CCSER1: variants seen among roughly 807,000 people sequenced by gnomAD.
CCSER1 encodes the protein serine-rich coiled-coil domain-containing protein 1.
A neutral mutation model predicts 82.0 loss-of-function variants in CCSER1; 41 were observed. That is an observed-to-expected ratio of 0.50 (90% CI 0.39 to 0.65). The LOEUF is 0.65. CCSER1 is among the 30% of genes least tolerant of loss of function. CCSER1 has a pLI of 0.00. For missense variants in CCSER1, 1,119 were observed against 1,064.2 expected (o/e 1.05, Z -0.72); for synonymous variants, 414 against 383.9 (o/e 1.08, Z -0.92).
chr4:91,258,624 T>C (rs1299123381), intron 10 of CCSER1, among the ~76,000 whole-genome samples: 1 of 152,130 alleles, frequency 6.6e-6, no homozygotes, highest in African/African-American at 2.4e-5. Flanking sequence ...CTTAAAGATA[T>C]TGTGATTATT....
At chr4:91,246,565 T>G (rs1739792826) in intron 10 of CCSER1, among the ~76,000 whole-genome samples, 1 of 152,134 alleles carries the variant, frequency 6.6e-6, no homozygotes, top group African/African-American at 2.4e-5. Flanking sequence ...GAAATCAGTA[T>G]ATCAAACAGA....
At chr4:91,581,035 T>C (rs1183382270) in intron 10 of CCSER1, among the ~76,000 whole-genome samples, 2 of 151,658 alleles carry the variant, frequency 1.3e-5, no homozygotes, top group Admixed American at 6.6e-5. Flanking sequence ...CTACCTAAAA[T>C]TATTTTTAGC....
chr4:91,034,635 T>C (rs1472093930), intron 9 of CCSER1, among the ~76,000 whole-genome samples: 3 of 152,156 alleles, frequency 2.0e-5, no homozygotes, highest in Non-Finnish European at 2.9e-5. Context: ...TCAGAATAGC[T>C]GTGTGTGTCT....
intron 1 of CCSER1, among the ~76,000 whole-genome samples, chr4:90,259,585 G>C (rs1271962819): frequency 6.6e-6 from 1 of 151,940 alleles, no homozygotes; most frequent in South Asian, 2.1e-4. Context: ...TAAGATGTTA[G>C]CTGTGGGTTT....
intron 5 of CCSER1, among the ~76,000 whole-genome samples, chr4:90,564,495 G>A (rs958805430): frequency 4.6e-5 from 7 of 151,966 alleles, no homozygotes. Flanking sequence ...TCTTTTGATT[G>A]TTTCCTTTAC....
chr4:91,500,446 T>C (rs2110092015), intron 10 of CCSER1, among the ~76,000 whole-genome samples: 1 of 152,220 alleles, frequency 6.6e-6, no homozygotes, highest in South Asian at 2.1e-4. Context: ...TTGTGAAGTC[T>C]TAAGCTATAT....
intron 10 of CCSER1, among the ~76,000 whole-genome samples, chr4:91,138,830 G>T (rs1189072708): frequency 6.6e-6 from 1 of 151,680 alleles, no homozygotes; most frequent in Non-Finnish European, 1.5e-5. Flanking sequence ...AAAAACACAT[G>T]AAAAAATGCT....
At chr4:91,174,025 G>A (rs1733045897) in intron 10 of CCSER1, among the ~76,000 whole-genome samples, 1 of 152,014 alleles carries the variant, frequency 6.6e-6, no homozygotes, top group Non-Finnish European at 1.5e-5. Flanking sequence ...TAAATTAGAA[G>A]AATAAACAAG....
chr4:90,268,692 T>A (rs117502298), intron 1 of CCSER1, among the ~76,000 whole-genome samples: 2 of 152,068 alleles, frequency 1.3e-5, no homozygotes. Flanking sequence ...GAGTAAGTCC[T>A]TACTTATCAA....
At chr4:90,588,583 C>A (rs56191421) in intron 5 of CCSER1, among the ~76,000 whole-genome samples, 9,127 of 152,196 alleles carry the variant, frequency 0.06, 747 homozygotes, top group African/African-American at 0.18. Flanking sequence ...AAGCCCCTCA[C>A]CTTCCTTCTG....
intron 5 of CCSER1, among the ~76,000 whole-genome samples, chr4:90,617,467 T>A (rs563955296): frequency 3.9e-4 from 59 of 152,222 alleles, no homozygotes; most frequent in African/African-American, 1.4e-3. Flanking sequence ...TGGTTTTAAA[T>A]GTCAAGTATA....
chr4:90,192,656 C>T (rs935188961), intron 1 of CCSER1, among the ~76,000 whole-genome samples: 26 of 151,958 alleles, frequency 1.7e-4, no homozygotes, highest in Non-Finnish European at 5.9e-5. Flanking sequence ...CGTTCCTGGC[C>T]CATAACCGTT....
intron 7 of CCSER1, among the ~76,000 whole-genome samples, chr4:90,789,857 T>C (rs540464908): frequency 9.8e-5 from 15 of 152,288 alleles, no homozygotes; most frequent in African/African-American, 2.6e-4. Context: ...AGCGTGAAAA[T>C]GGACTAATAC....
chr4:90,916,831 A>G (rs1032550883), intron 8 of CCSER1, among the ~76,000 whole-genome samples: 1 of 152,100 alleles, frequency 6.6e-6, no homozygotes, highest in African/African-American at 2.4e-5. Context: ...AAAATGAACA[A>G]CCCCATCAAA....
intron 8 of CCSER1, among the ~76,000 whole-genome samples, chr4:90,902,735 G>T (rs1001563923): frequency 6.6e-6 from 1 of 152,114 alleles, no homozygotes; most frequent in South Asian, 2.1e-4. Flanking sequence ...TTTTAATTTG[G>T]TTGTACAGTT....
chr4:90,222,949 C>A (rs149291377), intron 1 of CCSER1, among the ~76,000 whole-genome samples: 1 of 152,224 alleles, frequency 6.6e-6, no homozygotes, highest in Non-Finnish European at 1.5e-5. Context: ...CATTAGTTTT[C>A]CATGTATTTA....
At chr4:91,362,899 A>G (rs994494316) in intron 10 of CCSER1, among the ~76,000 whole-genome samples, 2 of 151,674 alleles carry the variant, frequency 1.3e-5, no homozygotes, top group African/African-American at 4.8e-5. Flanking sequence ...CTCATGTTGT[A>G]TTTATGTACA....
intron 10 of CCSER1, among the ~76,000 whole-genome samples, chr4:91,329,555 G>A (rs547372509): frequency 8.5e-5 from 13 of 152,278 alleles, no homozygotes; most frequent in Non-Finnish European, 1.6e-4. Flanking sequence ...TTTGGAGAAC[G>A]AAAACTCCAA....
intron 10 of CCSER1, among the ~76,000 whole-genome samples, chr4:91,461,403 C>G (rs1431377978): frequency 1.3e-5 from 2 of 152,004 alleles, no homozygotes; most frequent in Non-Finnish European, 2.9e-5. Flanking sequence ...TAAGACCACA[C>G]AGGTACAAAG....
Sources: gnomAD v4.1 joint callset for allele counts (sites outside exome capture counted in the v4.1 genomes callset) on GRCh38, gnomAD v4.1.1 for gene constraint, MANE v1.5 for transcripts, NCBI Gene and HGNC (gene_info 2026-07-23, HGNC 2026-07-21) for gene names.